EFL1: variants seen among roughly 807,000 people sequenced by gnomAD.
The protein encoded by EFL1 is elongation factor-like GTPase 1.
Under a neutral mutation model 126.7 loss-of-function variants are expected in EFL1, and 76 were observed. That is an observed-to-expected ratio of 0.60 (90% CI 0.50 to 0.73). EFL1 has a LOEUF of 0.73. Among genes scored for constraint, EFL1 ranks in the 30% least tolerant of loss-of-function variants. EFL1 has a pLI of 0.00. For missense variants in EFL1, 1,128 were observed against 1,343.2 expected, an observed-to-expected ratio of 0.84 and a Z score of 2.50; for synonymous variants, 410 against 448.4, an observed-to-expected ratio of 0.91 and a Z score of 1.08.
At chr15:82,162,664 G>A (rs1199685503) in intron 16 of EFL1, among the ~76,000 whole-genome samples, 1 of 152,184 alleles carries the variant, frequency 6.6e-6, no homozygotes, top group Non-Finnish European at 1.5e-5. Context: ...TTCCTATCTC[G>A]AGGCTGAAGG....
chr15:82,145,547 C>T (rs911510334), intron 18 of EFL1, among the ~76,000 whole-genome samples: 7 of 151,434 alleles, frequency 4.6e-5, no homozygotes, highest in Non-Finnish European at 1.0e-4. Flanking sequence ...AAACTCTTAA[C>T]GAGGCTGGGC....
At chr15:82,227,686 C>T in intron 10 of EFL1, 114 bp from the exon 11 acceptor site, 1 of 1,447,342 alleles carries the variant, frequency 6.9e-7, no homozygotes, top group Non-Finnish European at 9.4e-7. Flanking sequence ...CAGAAAATGC[C>T]TGTGCTACAA....
chr15:82,225,603 G>T (rs1405336789), intron 11 of EFL1, among the ~76,000 whole-genome samples: 2 of 152,148 alleles, frequency 1.3e-5, no homozygotes, highest in Non-Finnish European at 2.9e-5. Flanking sequence ...ATCAAGTATA[G>T]AAAATAGAAT....
intron 15 of EFL1, among the ~76,000 whole-genome samples, chr15:82,172,794 C>T (rs1305409034): frequency 6.6e-6 from 1 of 152,130 alleles, no homozygotes; most frequent in African/African-American, 2.4e-5. Context: ...ATGGTGACTA[C>T]AAATATCTGA....
chr15:82,192,133 G>A (rs985219616), intron 15 of EFL1, among the ~76,000 whole-genome samples: 2 of 152,138 alleles, frequency 1.3e-5, no homozygotes, highest in African/African-American at 4.8e-5. Flanking sequence ...AGGCACGGTG[G>A]CTCATGCCTG....
At chr15:82,183,349 T>C (rs766211769) in intron 15 of EFL1, among the ~76,000 whole-genome samples, 4 of 152,200 alleles carry the variant, frequency 2.6e-5, no homozygotes, top group Non-Finnish European at 4.4e-5. Context: ...GCAGCAAAGT[T>C]TGTTTTTTAG....
chr15:82,242,120 G>A (rs1250671903), intron 4 of EFL1, among the ~76,000 whole-genome samples: 2 of 152,130 alleles, frequency 1.3e-5, no homozygotes, highest in African/African-American at 2.4e-5. Flanking sequence ...TTAGGTTATA[G>A]AGAGTTATCA....
intron 7 of EFL1, among the ~76,000 whole-genome samples, chr15:82,237,198 T>C (rs1454310349): frequency 6.6e-6 from 1 of 152,124 alleles, no homozygotes; most frequent in Non-Finnish European, 1.5e-5. Context: ...TTGCTCATTT[T>C]GAAAGACACT....
intron 4 of EFL1, 27 bp downstream of exon 4, chr15:82,252,664 G>A: frequency 1.3e-6 from 2 of 1,574,400 alleles, no homozygotes; most frequent in Non-Finnish European, 1.7e-6. Flanking sequence ...GCAAAGCTGT[G>A]TTTCGTTAAA....
intron 4 of EFL1, among the ~76,000 whole-genome samples, chr15:82,252,284 T>C (rs987329249): frequency 6.6e-6 from 1 of 152,238 alleles, no homozygotes; most frequent in Non-Finnish European, 1.5e-5. Flanking sequence ...GAAGTGTTAC[T>C]ATCAATGTAG....
At chr15:82,174,561 T>C (rs1430792146) in intron 15 of EFL1, among the ~76,000 whole-genome samples, 1 of 152,194 alleles carries the variant, frequency 6.6e-6, no homozygotes, top group African/African-American at 2.4e-5. Context: ...AAACTGAAAC[T>C]GTGGTCTCAC....
chr15:82,204,714 T>C (rs952950275), intron 15 of EFL1, among the ~76,000 whole-genome samples: 1 of 152,214 alleles, frequency 6.6e-6, no homozygotes, highest in Non-Finnish European at 1.5e-5. Flanking sequence ...CTTGGCTCAT[T>C]ACCGCCCACC....
At chr15:82,239,168 G>A (rs7167504) in intron 6 of EFL1, among the ~76,000 whole-genome samples, 35,358 of 151,882 alleles carry the variant, frequency 0.23, 4,402 homozygotes, top group South Asian at 0.4. Context: ...GTGGAGTCTC[G>A]CTCTGTTGCC....
At chr15:82,198,842 C>T (rs1424951748) in intron 15 of EFL1, among the ~76,000 whole-genome samples, 7 of 152,076 alleles carry the variant, frequency 4.6e-5, no homozygotes, top group African/African-American at 9.7e-5. Context: ...TACTAGTTTG[C>T]GATCAAAACT....
intron 15 of EFL1, among the ~76,000 whole-genome samples, chr15:82,188,611 T>C (rs189116464): frequency 1.1e-4 from 16 of 152,304 alleles, no homozygotes; most frequent in African/African-American, 3.8e-4. Context: ...AACCCTACTC[T>C]ATCTACTTTC....
chr15:82,163,643 G>A (rs1396933705), intron 16 of EFL1, among the ~76,000 whole-genome samples: 1 of 152,208 alleles, frequency 6.6e-6, no homozygotes, highest in African/African-American at 2.4e-5. Flanking sequence ...TCAAGAAGAT[G>A]CAGTCTCCCT....
intron 19 of EFL1, among the ~76,000 whole-genome samples, chr15:82,138,099 G>C (rs965978598): frequency 3.3e-5 from 5 of 152,114 alleles, no homozygotes; most frequent in Non-Finnish European, 5.9e-5. Flanking sequence ...TGACAATGAA[G>C]GGTTCTGAGT....
At chr15:82,153,811 T>C (rs2073938796) in intron 17 of EFL1, among the ~76,000 whole-genome samples, 2 of 152,348 alleles carry the variant, frequency 1.3e-5, no homozygotes, top group South Asian at 4.1e-4. Context: ...TAGCCACTTT[T>C]AAATATGCTA....
intron 15 of EFL1, among the ~76,000 whole-genome samples, chr15:82,180,725 CACATGGTATACGGGTA>C (rs1044140286): frequency 5.3e-5 from 8 of 151,748 alleles, no homozygotes; most frequent in African/African-American, 1.9e-4. Context: ...TAAGAAGATA[CACATGGTATACGGGTA>C]ATTTTTCTTT....
Sources: allele counts gnomAD v4.1 joint callset (sites outside exome capture counted in the v4.1 genomes callset), GRCh38; gene constraint gnomAD v4.1.1; transcripts MANE v1.5; gene names NCBI Gene and HGNC (gene_info 2026-07-23, HGNC 2026-07-21).